The following SBF2 variants were observed in gnomAD, a reference collection of about 807,000 sequenced individuals.
SBF2 encodes the protein myotubularin-related protein 13.
SBF2 carries 112 observed loss-of-function variants against 225.2 expected under a neutral mutation model. The ratio of observed to expected loss-of-function variants is 0.50; its 90% CI spans 0.43 to 0.58. SBF2 has a LOEUF of 0.58. SBF2 is among the 20% of genes least tolerant of loss of function. The pLI is 0.00. For missense variants in SBF2, 1,996 were observed against 2,206.2 expected (o/e 0.90, Z 1.91); for synonymous variants, 763 against 773.3 (o/e 0.99, Z 0.22).
chr11:10,046,866 T>A (rs10770082), intron 2 of SBF2, among the ~76,000 whole-genome samples: 2 of 131,992 alleles, frequency 1.5e-5, no homozygotes, highest in Non-Finnish European at 3.2e-5. Context: ...TGTAAACAGA[T>A]AATCTGAAAG....
At chr11:9,902,971 A>C (rs1288701700) in intron 16 of SBF2, among the ~76,000 whole-genome samples, 3 of 147,418 alleles carry the variant, frequency 2.0e-5, no homozygotes, top group Non-Finnish European at 4.5e-5. Flanking sequence ...AAAAAAAAAA[A>C]CAACAAACCT....
Position 10,165,585 on chromosome 11 carries a change from G to C in SBF2, c.141+28317C>G, listed in dbSNP as rs142478533. ...GGACAACTTCATTAAGATTCTACTA[G>C]TACACTGTAGCATTGTACACTGTAC... is the stretch of plus-strand genomic sequence containing the variant. On this transcript the variant is annotated intron_variant, in intron 2 of 39. Coordinates refer to ENST00000256190, the MANE Select transcript of SBF2 (RefSeq NM_030962.4). Among the ~76,000 whole-genome samples the C allele has an allele frequency of 5.3e-5, 8 of 152,130 alleles. No homozygotes were observed. The East Asian group carries it at 1.5e-3, about 29-fold the overall frequency.
At chr11:9,880,447 T>C (rs1240918614) in intron 17 of SBF2, among the ~76,000 whole-genome samples, 1 of 152,212 alleles carries the variant, frequency 6.6e-6, no homozygotes, top group Non-Finnish European at 1.5e-5. Context: ...GCCCCTTAGA[T>C]GGGACATGTG....
rs190982383 is a variant in SBF2 at position 9,924,657 on chromosome 11, C to A, written c.1861-28646G>T. ...ATGCTGGCCAAGCTGGTCTCAAACT[C>A]CTGACCTCAGGCGATCCACCCCCCT... On this transcript the variant is annotated intron_variant, in intron 16 of 39. Transcript: ENST00000256190. 2.0e-5 allele frequency among the ~76,000 whole-genome samples: 3 copies of A among 152,326 alleles called. No individual in the cohort carries two copies. The East Asian group carries it at 5.8e-4, about 29-fold the overall frequency.
chr11:9,896,757 C>A (rs1429382541), intron 16 of SBF2, among the ~76,000 whole-genome samples: 4 of 150,276 alleles, frequency 2.7e-5, no homozygotes, highest in Non-Finnish European at 4.4e-5. Flanking sequence ...CCACTGCACT[C>A]CAGCCTGGAC....
At chr11:10,069,401 C>A (rs1428567368) in intron 2 of SBF2, among the ~76,000 whole-genome samples, 1 of 148,054 alleles carries the variant, frequency 6.8e-6, no homozygotes, top group Non-Finnish European at 1.5e-5. Flanking sequence ...TGAGTGAGAA[C>A]ATGTGGTGTT....
intron 6 of SBF2, among the ~76,000 whole-genome samples, chr11:10,024,195 T>C (rs1948965494): frequency 6.6e-6 from 1 of 152,220 alleles, no homozygotes; most frequent in Non-Finnish European, 1.5e-5. Context: ...TGTATGAACA[T>C]ACCACAGATG....
chr11:9,910,969 GA>G (rs1452913245), intron 16 of SBF2, among the ~76,000 whole-genome samples: 1 of 151,216 alleles, frequency 6.6e-6, no homozygotes, highest in Non-Finnish European at 1.5e-5. Context: ...TGAGGCAGGG[GA>G]ATTGCTTGAA....
At chr11:9,915,720 A>T (rs1212472305) in intron 16 of SBF2, 3 of 152,176 alleles carry the variant, frequency 2.0e-5, no homozygotes, top group Admixed American at 6.5e-5. Context: ...ATGTATAAAA[A>T]ACCATTCTGT....
At chr11:10,210,582 C>T (rs999315339) in intron 1 of SBF2, among the ~76,000 whole-genome samples, 1 of 152,076 alleles carries the variant, frequency 6.6e-6, no homozygotes, top group East Asian at 1.9e-4. Context: ...AGACAACTGG[C>T]CGTTTCTACC....
chr11:9,796,775 C>G (rs982171233), intron 32 of SBF2, among the ~76,000 whole-genome samples: 3 of 151,974 alleles, frequency 2.0e-5, no homozygotes, highest in African/African-American at 7.3e-5. Flanking sequence ...GCCTTTTAGC[C>G]CTAATTTTTC....
intron 34 of SBF2, among the ~76,000 whole-genome samples, 190 bp from the exon 35 acceptor site, chr11:9,789,532 C>A (rs748183490): frequency 6.6e-6 from 1 of 152,078 alleles, no homozygotes; most frequent in Non-Finnish European, 1.5e-5. Context: ...TCCAATCCTC[C>A]CTCCTACATT....
intron 1 of SBF2, among the ~76,000 whole-genome samples, chr11:10,214,436 A>T (rs1958054075): frequency 6.6e-6 from 1 of 152,174 alleles, no homozygotes; most frequent in African/African-American, 2.4e-5. Flanking sequence ...ATCCTGGCTA[A>T]CACGGTGAAA....
At chr11:9,883,351 AT>A (rs1467994661) in intron 17 of SBF2, among the ~76,000 whole-genome samples, 2 of 151,906 alleles carry the variant, frequency 1.3e-5, no homozygotes, top group Non-Finnish European at 2.9e-5. Flanking sequence ...TTTATTTTAA[AT>A]TGATTAAAAT....
intron 1 of SBF2, among the ~76,000 whole-genome samples, chr11:10,249,760 T>C (rs1193809180): frequency 1.8e-5 from 2 of 110,030 alleles, no homozygotes; most frequent in Non-Finnish European, 3.9e-5. Context: ...TGGAATGCTA[T>C]GGGGGAGTCC....
At chr11:10,125,953 C>T (rs375836168) in intron 2 of SBF2, among the ~76,000 whole-genome samples, 1 of 152,278 alleles carries the variant, frequency 6.6e-6, no homozygotes, top group East Asian at 1.9e-4. Flanking sequence ...GGGAAGGATA[C>T]CACAAAGGTG....
chr11:9,842,835 C>T lies in SBF2; in HGVS notation c.3111-65G>A. 5 of 1,517,198 alleles carry T rather than the reference C, an allele frequency of 3.3e-6. No individual in the cohort carries two copies. In the South Asian group the frequency reaches 4.5e-5, roughly 14 times the overall value. 94.0% of individuals were successfully genotyped at this position (1,517,198 alleles called of 1,614,324 possible). A position where few individuals can be genotyped will look rare whatever the true frequency, so the allele number is the denominator to read the frequency against. On this transcript the variant is annotated intron_variant, in intron 24 of 39. Coordinates refer to ENST00000256190, the MANE Select transcript of SBF2 (RefSeq NM_030962.4). ...AAAAGCACTACTTGTATTGTTGACA[C>T]CTACTTAGCTCAAATTGTTTCTTCT... is the stretch of plus-strand genomic sequence containing the variant.
chr11:9,810,375 C>T (rs1854115664), intron 30 of SBF2: 1 of 152,144 alleles, frequency 6.6e-6, no homozygotes, highest in African/African-American at 2.4e-5. Context: ...AAAGCCACAT[C>T]AATTGGCTCA....
chr11:10,182,781 AT>A (rs962286958), intron 2 of SBF2, among the ~76,000 whole-genome samples: 24 of 143,606 alleles, frequency 1.7e-4, no homozygotes, highest in South Asian at 6.7e-4. Flanking sequence ...TTGTTTTTTA[AT>A]TTTTTTTTTT....
Sources: allele counts gnomAD v4.1 joint callset (sites outside exome capture counted in the v4.1 genomes callset), GRCh38; gene constraint gnomAD v4.1.1; transcripts MANE v1.5; gene names NCBI Gene and HGNC (gene_info 2026-07-23, HGNC 2026-07-21).